Variants in NAALADL2 observed in about 807,000 individuals in gnomAD.
NAALADL2 encodes N-acetylated alpha-linked acidic dipeptidase like 2, also known as inactive N-acetylated-alpha-linked acidic dipeptidase-like protein 2.
NAALADL2 carries 76 observed loss-of-function variants against 87.2 expected under a neutral mutation model. That is an observed-to-expected ratio of 0.87 (90% CI 0.72 to 1.05). The LOEUF is 1.05. NAALADL2 is among the 50% of genes least tolerant of loss of function. The pLI, the probability that NAALADL2 is intolerant of heterozygous loss-of-function variation, is 0.00. For missense variants in NAALADL2, 1,089 were observed against 945.8 expected (o/e 1.15, Z -1.99); for synonymous variants, 354 against 331.0 (o/e 1.07, Z -0.75).
At chr3:174,821,100 T>C (rs1721368783) in intron 3 of NAALADL2, among the ~76,000 whole-genome samples, 1 of 152,140 alleles carries the variant, frequency 6.6e-6, no homozygotes, top group Non-Finnish European at 1.5e-5. Flanking sequence ...GCTGACTAGT[T>C]AGGGCTCCAC....
intron 5 of NAALADL2, among the ~76,000 whole-genome samples, chr3:175,420,180 A>T (rs111757018): frequency 6.6e-6 from 1 of 152,024 alleles, no homozygotes; most frequent in African/African-American, 2.4e-5. Context: ...TCATGAAAAA[A>T]GAGAGAAATG....
At chr3:174,460,562 T>A (rs1294663285) in intron 1 of NAALADL2, among the ~76,000 whole-genome samples, 1 of 152,068 alleles carries the variant, frequency 6.6e-6, no homozygotes, top group African/African-American at 2.4e-5. Context: ...GCAGCAATGT[T>A]AAGTCTTGGC....
intron 2 of NAALADL2, among the ~76,000 whole-genome samples, chr3:175,144,314 C>G (rs1449248049): frequency 4.0e-5 from 6 of 151,848 alleles, no homozygotes; most frequent in Admixed American, 3.9e-4. Context: ...TTACTTCATT[C>G]TCATAATTTA....
intron 1 of NAALADL2, among the ~76,000 whole-genome samples, chr3:174,877,885 AC>A (rs1728702921): frequency 6.6e-6 from 1 of 152,106 alleles, no homozygotes; most frequent in Non-Finnish European, 1.5e-5. Flanking sequence ...CAAATTCCTT[AC>A]AAACAATTAT....
chr3:175,018,663 C>T (rs1012580855), intron 1 of NAALADL2, among the ~76,000 whole-genome samples: 7 of 151,934 alleles, frequency 4.6e-5, no homozygotes, highest in Non-Finnish European at 1.0e-4. Context: ...TTTACACTAC[C>T]ACAGTTTAAA....
Position 175,625,542 on chromosome 3 carries a change from G to C in NAALADL2, c.1801-1749G>C, listed in dbSNP as rs186001054. ...GTGCGTAGTGTTTTTGCTGCATGTTGAGAGTAGATAGATGAAGGCTTGCAG... is the reference window on the plus strand; with the variant it reads ...GTGCGTAGTGTTTTTGCTGCATGTTCAGAGTAGATAGATGAAGGCTTGCAG... On this transcript the variant is annotated intron_variant, in intron 10 of 13. Transcript: ENST00000454872. 9.5e-4 allele frequency among the ~76,000 whole-genome samples: 145 copies of C among 152,094 alleles called. 1 individual carries two copies. The highest frequency in any genetic ancestry group is 3.4e-3 in the Middle Eastern group (1 of 294).
At chr3:175,462,086 A>G (rs1224886778) in intron 6 of NAALADL2, among the ~76,000 whole-genome samples, 1 of 152,188 alleles carries the variant, frequency 6.6e-6, no homozygotes, top group Non-Finnish European at 1.5e-5. Context: ...AGTGAATACC[A>G]ATGTAAACTA....
intron 13 of NAALADL2, among the ~76,000 whole-genome samples, chr3:175,758,424 C>T (rs970274035): frequency 6.6e-6 from 1 of 151,406 alleles, no homozygotes; most frequent in African/African-American, 2.4e-5. Context: ...GTGTGTATAC[C>T]TATATATACT....
intron 10 of NAALADL2, among the ~76,000 whole-genome samples, chr3:175,606,573 G>A (rs1723774111): frequency 6.6e-6 from 1 of 152,062 alleles, no homozygotes; most frequent in African/African-American, 2.4e-5. Flanking sequence ...CCTTACAGCT[G>A]AAACCACTAG....
intron 1 of NAALADL2, among the ~76,000 whole-genome samples, chr3:174,960,737 G>A (rs1741853140): frequency 1.3e-5 from 2 of 151,902 alleles, no homozygotes; most frequent in Admixed American, 6.6e-5. Flanking sequence ...ATACTTAATG[G>A]ATTTTCTGAA....
chr3:174,509,880 G>A (rs1410026938), intron 1 of NAALADL2, among the ~76,000 whole-genome samples: 1 of 152,052 alleles, frequency 6.6e-6, no homozygotes, highest in Non-Finnish European at 1.5e-5. Context: ...GGGGGATGCA[G>A]TGCAGTCCTT....
At chr3:175,401,624 C>T in intron 5 of NAALADL2, among the ~76,000 whole-genome samples, 1 of 152,082 alleles carries the variant, frequency 6.6e-6, no homozygotes. Flanking sequence ...AGACATGTTA[C>T]TGTACTGAAC....
At chr3:175,312,443 T>G (rs943066259) in intron 4 of NAALADL2, among the ~76,000 whole-genome samples, 5 of 151,256 alleles carry the variant, frequency 3.3e-5, no homozygotes, top group African/African-American at 1.2e-4. Flanking sequence ...AAAAATCCAG[T>G]TCTTTTTTTT....
chr3:175,587,481 A>C (rs1227160818), intron 10 of NAALADL2, among the ~76,000 whole-genome samples: 1 of 152,240 alleles, frequency 6.6e-6, no homozygotes, highest in South Asian at 2.1e-4. Context: ...TCAGGTGAAC[A>C]TGAGGCAATG....
At chr3:175,783,798 C>T (rs1035483745) in intron 13 of NAALADL2, among the ~76,000 whole-genome samples, 4 of 149,924 alleles carry the variant, frequency 2.7e-5, no homozygotes, top group Non-Finnish European at 4.4e-5. Context: ...AAAGGGAATG[C>T]TTCCAGTTTT....
chr3:174,496,332 T>G (rs568474089), intron 1 of NAALADL2, among the ~76,000 whole-genome samples: 1 of 152,184 alleles, frequency 6.6e-6, no homozygotes, highest in Non-Finnish European at 1.5e-5. Context: ...TGACATTAGA[T>G]GTTGGTAATA....
chr3:175,467,588 G>A (rs59636986), intron 8 of NAALADL2, among the ~76,000 whole-genome samples: 1,736 of 152,216 alleles, frequency 0.011, 35 homozygotes, highest in African/African-American at 0.038. Flanking sequence ...AATGTTTATT[G>A]CCTTAGCATT....
chr3:174,504,359 C>T (rs898229874), intron 1 of NAALADL2, among the ~76,000 whole-genome samples: 1 of 152,018 alleles, frequency 6.6e-6, no homozygotes, highest in East Asian at 1.9e-4. Flanking sequence ...GAGTGATACA[C>T]TGGGGATATT....
At chr3:175,754,737 T>C (rs541273737) in intron 12 of NAALADL2, among the ~76,000 whole-genome samples, 64 of 152,320 alleles carry the variant, frequency 4.2e-4, no homozygotes, top group African/African-American at 1.4e-3. Flanking sequence ...TTCTGTCCTG[T>C]TATTTACTTG....
Sources: gnomAD v4.1 joint callset for allele counts (sites outside exome capture counted in the v4.1 genomes callset) on GRCh38, gnomAD v4.1.1 for gene constraint, MANE v1.5 for transcripts, NCBI Gene and HGNC (gene_info 2026-07-23, HGNC 2026-07-21) for gene names.